The following CHST8 variants were observed in gnomAD, a reference collection of about 807,000 sequenced individuals.
CHST8 encodes GALNAC-4-ST1.
In CHST8, 10 loss-of-function variants were observed where a neutral mutation model predicts 15.0. The observed-to-expected ratio is 0.67, with a 90% CI of 0.41 to 1.13. The LOEUF (loss-of-function observed/expected upper bound fraction) is 1.13, where lower values mean the gene tolerates loss of function less well. Among genes scored for constraint, CHST8 ranks in the 50% most tolerant of loss-of-function variants. The pLI, the probability that CHST8 is intolerant of heterozygous loss-of-function variation, is 0.00. For synonymous variants in CHST8, 259 were observed against 256.6 expected (o/e 1.01, Z -0.09); for missense variants, 634 against 608.2 (o/e 1.04, Z -0.45).
chr19:33,701,018 C>A (rs937606599), intron 3 of CHST8, among the ~76,000 whole-genome samples: 1 of 152,012 alleles, frequency 6.6e-6, no homozygotes, highest in Non-Finnish European at 1.5e-5. Context: ...GGGTTTGATG[C>A]GTCTGGGCGG....
intron 2 of CHST8, among the ~76,000 whole-genome samples, chr19:33,682,195 T>G (rs1261251544): frequency 1.4e-5 from 2 of 144,432 alleles, no homozygotes; most frequent in South Asian, 2.3e-4. Flanking sequence ...TTGTTTTTTT[T>G]TTTTTTTTTT....
At chr19:33,641,283 C>T (rs908023686) in intron 1 of CHST8, among the ~76,000 whole-genome samples, 4 of 152,180 alleles carry the variant, frequency 2.6e-5, no homozygotes, top group Admixed American at 1.3e-4. Flanking sequence ...TGGGTGAGTC[C>T]TCTTCTGCCA....
chr19:33,772,855 ACTT>A lies in CHST8; in HGVS notation c.1072_1074del (p.Phe358del). ...TTCGAGAGCATGGAGGACGATGCCA[ACTT>A]CTTCCTGAGCCTCATCCGCGCGCCG... On this transcript the variant is annotated inframe_deletion, in exon 5 of 5. Coordinates refer to ENST00000650847, the MANE Select transcript of CHST8 (RefSeq NM_001127895.2). 1 of 1,613,482 alleles carries A rather than the reference ACTT, an allele frequency of 6.2e-7. No homozygotes were observed. The highest frequency in any genetic ancestry group is 8.5e-7 in the Non-Finnish European group (1 of 1,180,034).
chr19:33,772,048 G>A lies in CHST8; in HGVS notation c.260G>A (p.Arg87His). 3 of 1,612,090 alleles carry A rather than the reference G, an allele frequency of 1.9e-6. No homozygotes were observed. The highest frequency in any genetic ancestry group is 2.5e-6 in the Non-Finnish European group (3 of 1,179,658). The change falls in exon 5 of 5, where the codon CGC becomes CAC. Residue 87 changes from arginine to histidine, a missense_variant. Transcript: ENST00000650847. ...RDLSSGAPRG[R>H]NLPAPDQPQP... ...TTATCCAGTGGGGCCCCGAGGGGCC[G>A]CAACCTGCCAGCGCCTGACCAGCCT...
At chr19:33,767,785 G>A (rs1974881274) in intron 3 of CHST8, among the ~76,000 whole-genome samples, 1 of 152,182 alleles carries the variant, frequency 6.6e-6, no homozygotes, top group Admixed American at 6.5e-5. Flanking sequence ...GTGGAGGTGG[G>A]GAGGCAGGGA....
chr19:33,771,176 G>A (rs1177737181), intron 3 of CHST8, among the ~76,000 whole-genome samples: 2 of 152,170 alleles, frequency 1.3e-5, no homozygotes, highest in Non-Finnish European at 1.5e-5. Flanking sequence ...GCGTGATGCA[G>A]AGAAGAGAGC....
intron 3 of CHST8, among the ~76,000 whole-genome samples, chr19:33,702,102 G>A (rs1473540393): frequency 2.6e-5 from 4 of 152,178 alleles, no homozygotes. Flanking sequence ...AGCCTCCCGA[G>A]TAGGTGGGAT....
intron 2 of CHST8, among the ~76,000 whole-genome samples, chr19:33,669,102 C>T (rs1219893190): frequency 6.6e-6 from 1 of 152,172 alleles, no homozygotes. Flanking sequence ...CAGCCACAGG[C>T]ACCAGTGCAC....
Position 33,772,505 on chromosome 19 carries a change from C to T in CHST8, c.717C>T (p.Phe239=), listed in dbSNP as rs1975015773. The T allele has an allele frequency of 6.2e-7, 1 of 1,613,854 alleles. No individual in the cohort carries two copies. The highest frequency in any genetic ancestry group is 1.1e-5 in the South Asian group (1 of 91,076). Residue 239 remains phenylalanine, a synonymous_variant, in exon 5 of 5, where the codon TTC becomes TTT. Transcript: ENST00000650847. ...GCGCTCTCAAGCGCCTGGACACCTT[C>T]GACCGCCAGGGTATCTTGCACCGTC... is the stretch of plus-strand genomic sequence containing the variant. ...YGSALKRLDT[F]DRQGILHRLS... is the part of the protein sequence containing the mutation.
chr19:33,744,529 C>T (rs1190576272), intron 3 of CHST8: 1 of 151,922 alleles, frequency 6.6e-6, no homozygotes, highest in Non-Finnish European at 1.5e-5. Context: ...CAAGAGTCAC[C>T]CTTCAGAAGC....
chr19:33,663,058 C>T (rs908829823), intron 1 of CHST8, among the ~76,000 whole-genome samples: 9 of 152,192 alleles, frequency 5.9e-5, no homozygotes, highest in Middle Eastern at 3.4e-3. Context: ...AGAGGAAGAC[C>T]GAGGAACTCT....
intron 3 of CHST8, among the ~76,000 whole-genome samples, chr19:33,747,928 C>G (rs752028766): frequency 1.3e-5 from 2 of 152,026 alleles, no homozygotes; most frequent in Non-Finnish European, 2.9e-5. Context: ...TGCACTTGCC[C>G]GCTGGGTATG....
chr19:33,755,236 C>T (rs1024054531), intron 3 of CHST8, among the ~76,000 whole-genome samples: 1 of 152,008 alleles, frequency 6.6e-6, no homozygotes, highest in African/African-American at 2.4e-5. Flanking sequence ...CCGCCTGACA[C>T]ACCTGTGCTG....
intron 2 of CHST8, among the ~76,000 whole-genome samples, chr19:33,673,292 G>A (rs1182979318): frequency 1.3e-5 from 2 of 152,208 alleles, no homozygotes; most frequent in Non-Finnish European, 2.9e-5. Flanking sequence ...TGATTGGGAC[G>A]AGTGAATATT....
intron 3 of CHST8, among the ~76,000 whole-genome samples, chr19:33,693,234 A>C (rs1973133798): frequency 6.6e-6 from 1 of 152,022 alleles, no homozygotes; most frequent in Non-Finnish European, 1.5e-5. Flanking sequence ...TCGAATCCCC[A>C]ACCTCAGGTG....
chr19:33,683,027 G>A (rs1344560564), intron 2 of CHST8, among the ~76,000 whole-genome samples: 1 of 152,122 alleles, frequency 6.6e-6, no homozygotes, highest in Non-Finnish European at 1.5e-5. Flanking sequence ...GAAACAGTGA[G>A]AGAGAGATGA....
chr19:33,643,055 T>C (rs1384100075), intron 1 of CHST8, among the ~76,000 whole-genome samples: 5 of 152,214 alleles, frequency 3.3e-5, no homozygotes, highest in African/African-American at 1.2e-4. Context: ...CATGTTGACA[T>C]GAACCTTCTT....
At chr19:33,711,702 G>A (rs887786874) in intron 3 of CHST8, among the ~76,000 whole-genome samples, 4 of 152,164 alleles carry the variant, frequency 2.6e-5, no homozygotes, top group Non-Finnish European at 5.9e-5. Context: ...CATGATCTTG[G>A]CTCACTGCAA....
chr19:33,737,590 C>T (rs1244339330), intron 3 of CHST8, among the ~76,000 whole-genome samples: 1 of 152,208 alleles, frequency 6.6e-6, no homozygotes, highest in Non-Finnish European at 1.5e-5. Flanking sequence ...CTACTGGGGA[C>T]CCTTCTCAAG....
Sources: allele counts gnomAD v4.1 joint callset (sites outside exome capture counted in the v4.1 genomes callset), GRCh38; gene constraint gnomAD v4.1.1; transcripts MANE v1.5; gene names NCBI Gene and HGNC (gene_info 2026-07-23, HGNC 2026-07-21).